PRKN: variants seen among roughly 807,000 people sequenced by gnomAD.
PRKN encodes the protein parkin RBR E3 ubiquitin protein ligase.
PRKN carries 56 observed loss-of-function variants against 59.5 expected under a neutral mutation model. The observed-to-expected ratio is 0.94, with a 90% CI of 0.76 to 1.18. The LOEUF (loss-of-function observed/expected upper bound fraction) is 1.18, where lower values mean the gene tolerates loss of function less well. Ranked by LOEUF, PRKN falls within the 50% of genes most tolerant of loss-of-function variation. The probability of loss-of-function intolerance (pLI) is 0.00; values close to 1 mark genes in which losing one functional copy is unlikely to be tolerated. For missense variants in PRKN, 657 were observed against 596.4 expected (o/e 1.10, Z -1.06); for synonymous variants, 250 against 222.1 (o/e 1.13, Z -1.12).
chr6:161,828,789 G>C (rs1792352466), intron 6 of PRKN, among the ~76,000 whole-genome samples: 1 of 152,128 alleles, frequency 6.6e-6, no homozygotes, highest in Admixed American at 6.6e-5. Context: ...CATTAGTTGG[G>C]TCTGGTGGCA....
chr6:162,556,380 T>TGTGTGCGC (rs1779595330), intron 1 of PRKN, among the ~76,000 whole-genome samples: 1 of 147,616 alleles, frequency 6.8e-6, no homozygotes, highest in East Asian at 2.1e-4. Context: ...TGTGTGTGTG[T>TGTGTGCGC]GTGTGTGTGT....
In PRKN at chr6:162,328,034, C is replaced by T. The variant is rs889521827; in HGVS notation, c.172-65269G>A. ...GCTGGCCACACTGCAAGGCCCTCAA[C>T]GTTCCCACGTGAAAAAAGAAATTGT... On this transcript the variant is annotated intron_variant, in intron 2 of 11. Transcript: ENST00000366898. 2.2e-5 allele frequency among the ~76,000 whole-genome samples: 3 copies of T among 134,638 alleles called. No homozygotes were observed. The East Asian group carries it at 6.4e-4, about 29-fold the overall frequency. The allele number at this position is 134,638 out of a possible 152,430, so 88.3% of individuals were successfully genotyped here. A position where few individuals can be genotyped will look rare whatever the true frequency, so the allele number is the denominator to read the frequency against.
At chr6:162,006,985 A>C (rs1434560866) in intron 5 of PRKN, among the ~76,000 whole-genome samples, 1 of 152,220 alleles carries the variant, frequency 6.6e-6, no homozygotes. Context: ...CAGTTAAAAA[A>C]TTATATATAC....
At position 161,460,272 on chromosome 6, in the gene PRKN, G is replaced by A. The variant is rs540936784; in HGVS notation, c.1084-73395C>T. On this transcript the variant is annotated intron_variant, in intron 9 of 11. Transcript: ENST00000366898. This position sits in a 1 kb window ranked among gnomAD's most constrained non-coding sequence, Gnocchi z 5.0. The stretch of plus-strand genomic sequence containing the variant: ...TATTTAATTCTTGTTGATGGGCACC[G>A]TGTGTTTACAGAGGAGAGTGCCTTT... 3.3e-5 allele frequency among the ~76,000 whole-genome samples: 5 copies of A among 152,314 alleles called. No individual in the cohort carries two copies. The highest frequency in any genetic ancestry group is 6.8e-3 in the Middle Eastern group (2 of 294).
At chr6:162,036,205 T>C (rs1214678381) in intron 5 of PRKN, among the ~76,000 whole-genome samples, 1 of 151,280 alleles carries the variant, frequency 6.6e-6, no homozygotes, top group East Asian at 2.0e-4. Flanking sequence ...GCGCCTGTAG[T>C]CCCAGCTACT....
At position 161,582,971 on chromosome 6, in the gene PRKN, A is replaced by AAC. The variant is rs768568929; in HGVS notation, c.872-13557_872-13556dup. On this transcript the variant is annotated intron_variant, in intron 7 of 11. Transcript: ENST00000366898. The surrounding 1 kb of genome is among the most constrained non-coding windows in gnomAD (Gnocchi z 4.4). ...TCTTTCCAGTGAGATGGCCTATTCCAACACACACACACACACACACACACA... is the reference window on the plus strand; with the variant it reads ...TCTTTCCAGTGAGATGGCCTATTCCAACACACACACACACACACACACACACA... Among the ~76,000 whole-genome samples, 5,159 of 117,094 alleles carry AAC rather than the reference A, an allele frequency of 0.044. 144 individuals carry two copies. The highest frequency in any genetic ancestry group is 0.059 in the Middle Eastern group (11 of 188). The allele number at this position is 117,094 out of a possible 152,430, so 76.8% of individuals were successfully genotyped here. A position where few individuals can be genotyped will look rare whatever the true frequency, so the allele number is the denominator to read the frequency against.
chr6:161,477,081 A>C (rs758863193), intron 9 of PRKN, among the ~76,000 whole-genome samples: 1 of 152,232 alleles, frequency 6.6e-6, no homozygotes, highest in Non-Finnish European at 1.5e-5. Flanking sequence ...TTAACTCACC[A>C]GTGTGGTTAA....
intron 7 of PRKN, among the ~76,000 whole-genome samples, chr6:161,595,844 G>C (rs1023530331): frequency 6.6e-6 from 1 of 152,080 alleles, no homozygotes; most frequent in East Asian, 1.9e-4. Context: ...AATTTACGGC[G>C]GGAAAGTGAA....
At chr6:162,689,971 C>G (rs763607252) in intron 1 of PRKN, among the ~76,000 whole-genome samples, 99 of 152,176 alleles carry the variant, frequency 6.5e-4, no homozygotes, top group Middle Eastern at 6.8e-3. Flanking sequence ...AGTCTTTATT[C>G]TGAATATATG....
At chr6:162,301,047 C>T (rs2128113354) in intron 2 of PRKN, among the ~76,000 whole-genome samples, 1 of 151,718 alleles carries the variant, frequency 6.6e-6, no homozygotes, top group Admixed American at 6.6e-5. Context: ...ATATATTTAT[C>T]TAGTACTTCT....
Position 162,406,567 on chromosome 6 carries a change from G to A in PRKN, c.171+36743C>T, listed in dbSNP as rs144290645. On this transcript the variant is annotated intron_variant, in intron 2 of 11. Coordinates refer to ENST00000366898, the MANE Select transcript of PRKN (RefSeq NM_004562.3). Reference sequence around the variant, plus strand: ...ACACAATTTCTTAATTATTGACCTCGTTGTGTCTTTACCAGCACTGTGACT... The same window carrying A: ...ACACAATTTCTTAATTATTGACCTCATTGTGTCTTTACCAGCACTGTGACT... Among the ~76,000 whole-genome samples, 388 of 152,214 alleles carry A rather than the reference G, an allele frequency of 2.5e-3. 4 individuals carry two copies. The highest frequency in any genetic ancestry group is 8.7e-3 in the African/African-American group (363 of 41,520).
intron 1 of PRKN, among the ~76,000 whole-genome samples, chr6:162,725,771 GAA>G (rs34045483): frequency 8.0e-4 from 104 of 130,456 alleles, no homozygotes; most frequent in Middle Eastern, 3.9e-3. Flanking sequence ...TCAAAAAGAG[GAA>G]AAAAAAAAAA....
chr6:161,832,101 C>A (rs1319644780), intron 6 of PRKN, among the ~76,000 whole-genome samples: 1 of 152,196 alleles, frequency 6.6e-6, no homozygotes, highest in Non-Finnish European at 1.5e-5. Context: ...CTTTTCAAGT[C>A]ATTAGTGCCC....
intron 1 of PRKN, among the ~76,000 whole-genome samples, chr6:162,543,593 C>A (rs1214835136): frequency 1.3e-5 from 2 of 152,122 alleles, no homozygotes; most frequent in Non-Finnish European, 2.9e-5. Flanking sequence ...GACCTTCCCC[C>A]AAACCAGCTC....
chr6:162,372,933 T>A (rs1785851892), intron 2 of PRKN, among the ~76,000 whole-genome samples: 1 of 152,142 alleles, frequency 6.6e-6, no homozygotes, highest in South Asian at 2.1e-4. Flanking sequence ...ATGTGTTGAT[T>A]TTGTTTATCA....
chr6:162,138,625 C>G (rs1781646965), intron 4 of PRKN, among the ~76,000 whole-genome samples: 1 of 151,892 alleles, frequency 6.6e-6, no homozygotes, highest in Middle Eastern at 3.2e-3. Context: ...TATTTAGCTA[C>G]TATTACAAAC....
At chr6:161,887,404 T>C (rs1795193988) in intron 6 of PRKN, among the ~76,000 whole-genome samples, 1 of 152,220 alleles carries the variant, frequency 6.6e-6, no homozygotes, top group African/African-American at 2.4e-5. Context: ...TGCAGTAGGC[T>C]TTCCTCTGCT....
chr6:161,504,379 A>G (rs73591649), intron 9 of PRKN, among the ~76,000 whole-genome samples: 2,497 of 152,266 alleles, frequency 0.016, 74 homozygotes, highest in African/African-American at 0.057. Flanking sequence ...GCAGGGTTTC[A>G]GGCAGGGCGG....
At chr6:162,390,375 G>GTATATATATA (rs369827763) in intron 2 of PRKN, among the ~76,000 whole-genome samples, 129 of 98,782 alleles carry the variant, frequency 1.3e-3, no homozygotes, top group African/African-American at 5.4e-3. Context: ...TACTGCTAAG[G>GTATATATATA]TATATATATA....
Sources: gnomAD v4.1 joint callset for allele counts (sites outside exome capture counted in the v4.1 genomes callset) on GRCh38, gnomAD v4.1.1 for gene constraint, Gnocchi (gnomAD v3.1) non-coding constraint, MANE v1.5 for transcripts, NCBI Gene and HGNC (gene_info 2026-07-23, HGNC 2026-07-21) for gene names.